Variants in PLAC1 observed in about 807,000 individuals in gnomAD.
PLAC1 encodes placenta-specific protein 1.
For synonymous variants in PLAC1, 68 were observed against 62.1 expected, an observed-to-expected ratio of 1.09 and a Z score of -0.44; for missense variants, 136 against 163.2, an observed-to-expected ratio of 0.83 and a Z score of 0.91.
At chrX:134,724,096 A>C (rs995916064) in intron 2 of PLAC1, among the ~76,000 whole-genome samples, 1 of 112,232 alleles carries the variant, frequency 8.9e-6, no homozygotes, top group African/African-American at 3.2e-5. Context: ...AAGAACTGTC[A>C]AATTGAAGGA....
At chrX:134,724,001 T>C (rs1424737900) in intron 2 of PLAC1, among the ~76,000 whole-genome samples, 1 of 98,107 alleles carries the variant, frequency 1.0e-5, no homozygotes, top group African/African-American at 3.8e-5. Flanking sequence ...AAAAAAAACA[T>C]AAAACAAATC....
chrX:134,566,644 G>A lies in PLAC1; in HGVS notation c.39C>T (p.Leu13=). The A allele has an allele frequency of 8.3e-7, 1 of 1,204,214 alleles. No individual in the cohort carries two copies. The highest frequency in any genetic ancestry group is 1.1e-6 in the Non-Finnish European group (1 of 889,627). The change falls in exon 3 of 3, where the codon CTC becomes CTT. Residue 13 remains leucine (L), a synonymous_variant. Coordinates refer to ENST00000359237, the MANE Select transcript of PLAC1 (RefSeq NM_021796.4). ...CTGAACCGGCTGAAAACGCAGAGGT[G>A]AGGAGGATCATCAGTCCTATGAACT... is the stretch of plus-strand genomic sequence containing the variant. ...VFKFIGLMIL[L]TSAFSAGSGQ...
intron 1 of PLAC1, among the ~76,000 whole-genome samples, chrX:134,641,264 A>G (rs1027480097): frequency 2.7e-5 from 3 of 110,982 alleles, no homozygotes; most frequent in African/African-American, 9.8e-5. Context: ...ACAAAAAAAA[A>G]GAAGAAGAAG....
chrX:134,636,762 A>G (rs1278570544), intron 1 of PLAC1, among the ~76,000 whole-genome samples: 2 of 112,265 alleles, frequency 1.8e-5, no homozygotes, highest in African/African-American at 6.5e-5. Context: ...GTGCTTGGGC[A>G]GACAATTCGC....
intron 2 of PLAC1, among the ~76,000 whole-genome samples, chrX:134,598,491 A>G (rs1212765035): frequency 8.9e-6 from 1 of 112,386 alleles, no homozygotes; most frequent in East Asian, 2.8e-4. Flanking sequence ...GGTGTAGAAT[A>G]TAGTAGACAC....
At chrX:134,655,332 T>TACAC (rs545237127) in intron 1 of PLAC1, among the ~76,000 whole-genome samples, 14,974 of 98,873 alleles carry the variant, frequency 0.15, 1,228 homozygotes, top group East Asian at 0.52. Flanking sequence ...TCAATCTATT[T>TACAC]ACACACACAC....
At chrX:134,647,904 A>G (rs1312007781) in intron 1 of PLAC1, among the ~76,000 whole-genome samples, 1 of 111,001 alleles carries the variant, frequency 9.0e-6, no homozygotes, top group Non-Finnish European at 1.9e-5. Flanking sequence ...TTGTGTAAAG[A>G]AAAATAGAGA....
intron 1 of PLAC1, among the ~76,000 whole-genome samples, chrX:134,637,160 A>T (rs2078287348): frequency 8.9e-6 from 1 of 112,173 alleles, no homozygotes; most frequent in African/African-American, 3.2e-5. Flanking sequence ...CCCAGCGCTC[A>T]CATGGAGTCC....
At chrX:134,659,412 ACAG>A (rs1438528772), upstream of PLAC1, among the ~76,000 whole-genome samples, 4 of 111,577 alleles carry the variant, frequency 3.6e-5, no homozygotes, top group Non-Finnish European at 7.5e-5. Flanking sequence ...TACACAGCCC[ACAG>A]AAGAACCAAA....
chrX:134,760,193 C>T (rs1485166938), intron 1 of PLAC1: 2 of 111,856 alleles, frequency 1.8e-5, no homozygotes, highest in Non-Finnish European at 3.8e-5. Context: ...TTCTTCATTT[C>T]TATTTTTAGT....
intron 2 of PLAC1, among the ~76,000 whole-genome samples, chrX:134,567,803 AGAG>A (rs2077885124): frequency 2.5e-5 from 2 of 78,512 alleles, no homozygotes; most frequent in African/African-American, 4.8e-5. Flanking sequence ...GGAAAGAAAG[AGAG>A]AGAGAGAGGG....
At chrX:134,572,837 T>C (rs2077916219) in intron 2 of PLAC1, among the ~76,000 whole-genome samples, 1 of 111,876 alleles carries the variant, frequency 8.9e-6, no homozygotes, top group Admixed American at 9.5e-5. Context: ...AAGCTGTTTT[T>C]AATTTTTGAC....
intron 1 of PLAC1, among the ~76,000 whole-genome samples, chrX:134,761,061 C>G (rs761122929): frequency 1.8e-5 from 2 of 111,496 alleles, no homozygotes; most frequent in South Asian, 7.6e-4. Context: ...CCCAGCTTAC[C>G]CATAGGCTCA....
chrX:134,609,820 C>T (rs1240174687), intron 1 of PLAC1, among the ~76,000 whole-genome samples: 1 of 111,545 alleles, frequency 9.0e-6, no homozygotes, highest in South Asian at 3.7e-4. Flanking sequence ...GGGGAACCCA[C>T]CTTCATGACC....
chrX:134,631,646 G>A (rs754935692), intron 1 of PLAC1, among the ~76,000 whole-genome samples: 2 of 111,499 alleles, frequency 1.8e-5, no homozygotes, highest in African/African-American at 6.5e-5. Flanking sequence ...GGGGTCTAGG[G>A]GTAACTGGAG....
At chrX:134,600,333 A>G (rs995456811) in intron 2 of PLAC1, among the ~76,000 whole-genome samples, 1 of 110,787 alleles carries the variant, frequency 9.0e-6, no homozygotes, top group Non-Finnish European at 1.9e-5. Context: ...GACCTGGCTA[A>G]TTTTTTAAAT....
At position 134,667,019 on chromosome X, in the gene PLAC1, G is replaced by C. The variant is rs539163117; in HGVS notation, n.175-64897C>G. ...GAACTGGACCTTTATCTTACACCAT[G>C]TGCAAAAATTAAATAAAAGTATATC... On this transcript the variant is annotated intron_variant and non_coding_transcript_variant, in intron 2 of 2. Transcript: ENST00000466797. 5.3e-5 allele frequency among the ~76,000 whole-genome samples: 6 copies of C among 112,317 alleles called. No homozygotes were observed. In the South Asian group the frequency reaches 2.2e-3, roughly 41 times the overall value.
chrX:134,697,032 C>CA lies in PLAC1; in HGVS notation n.174+36402dup, dbSNP rs375742064. ...TGGGCAACAGAGCGAGACTCCATCT[C>CA]AAAAAAAAAAAAAGGAAAGAAAGAA... On this transcript the variant is annotated intron_variant and non_coding_transcript_variant, in intron 2 of 2. Coordinates refer to the PLAC1 transcript ENST00000466797. 8.5e-3 allele frequency among the ~76,000 whole-genome samples: 716 copies of CA among 84,620 alleles called. 9 individuals carry two copies. The highest frequency in any genetic ancestry group is 0.025 in the African/African-American group (583 of 23,220). The allele number at this position is 84,620 out of a possible 115,157, so 73.5% of individuals were successfully genotyped here. A position where few individuals can be genotyped will look rare whatever the true frequency, so the allele number is the denominator to read the frequency against.
intron 1 of PLAC1, chrX:134,650,854 C>T (rs191996778): frequency 1.4e-5 from 2 of 139,826 alleles, no homozygotes; most frequent in Non-Finnish European, 2.9e-5. Flanking sequence ...ACTAGGATCA[C>T]GAAGCCCAAC....
Sources: gnomAD v4.1 joint callset for allele counts (sites outside exome capture counted in the v4.1 genomes callset) on GRCh38, gnomAD v4.1.1 for gene constraint, MANE v1.5 for transcripts, NCBI Gene and HGNC (gene_info 2026-07-23, HGNC 2026-07-21) for gene names.